Variants in GOPC observed in about 807,000 individuals in gnomAD.
GOPC encodes golgi associated PDZ and coiled-coil motif containing.
In GOPC, 32 loss-of-function variants were observed where a neutral mutation model predicts 51.2. The observed-to-expected ratio is 0.63, with a 90% confidence interval of 0.47 to 0.84. The LOEUF is 0.84. GOPC is among the 40% of genes least tolerant of loss of function. The probability of loss-of-function intolerance (pLI) is 0.00; values close to 1 mark genes in which losing one functional copy is unlikely to be tolerated. For synonymous variants in GOPC, 190 were observed against 205.1 expected, an observed-to-expected ratio of 0.93 and a Z score of 0.63; for missense variants, 441 against 555.5, an observed-to-expected ratio of 0.79 and a Z score of 2.07.
chr6:117,595,773 ACAC>A (rs1222804215), intron 1 of GOPC, among the ~76,000 whole-genome samples: 2 of 152,168 alleles, frequency 1.3e-5, no homozygotes, highest in Non-Finnish European at 2.9e-5. Context: ...GTATATATAC[ACAC>A]CACATTTTTT....
In GOPC at chr6:117,562,152, C is replaced by G. The variant is rs1779596406; in HGVS notation, c.*1102G>C. The G allele has an allele frequency of 9.7e-6, 2 of 207,094 alleles. No homozygotes were observed. The highest frequency in any genetic ancestry group is 1.5e-4 in the East Asian group (2 of 13,698). The allele number at this position is 207,094 out of a possible 1,614,324, so 12.8% of individuals were successfully genotyped here. On this transcript the variant is annotated 3_prime_UTR_variant, in exon 9 of 9. Coordinates refer to ENST00000368498, the MANE Select transcript of GOPC (RefSeq NM_020399.4). ...CATGTTTAATCATGGGACAACAGAC[C>G]TAACAAATTTATAAACCTGCATATG...
chr6:117,594,509 A>G (rs1780164100), intron 1 of GOPC, among the ~76,000 whole-genome samples: 1 of 152,196 alleles, frequency 6.6e-6, no homozygotes, highest in Non-Finnish European at 1.5e-5. Context: ...TCCAAACTCC[A>G]TAAAAGCCAT....
intron 1 of GOPC, among the ~76,000 whole-genome samples, chr6:117,597,762 A>T (rs759203134): frequency 2.0e-5 from 3 of 152,222 alleles, no homozygotes; most frequent in Non-Finnish European, 4.4e-5. Context: ...AATAGAACAT[A>T]TACACTAGGG....
chr6:117,598,167 T>C (rs1780228799), intron 1 of GOPC, among the ~76,000 whole-genome samples: 1 of 133,934 alleles, frequency 7.5e-6, no homozygotes, highest in African/African-American at 2.9e-5. Context: ...AAGACCAGCC[T>C]AAGCAACATA....
chr6:117,589,378 G>C (rs1316648974), intron 1 of GOPC, among the ~76,000 whole-genome samples: 2 of 152,228 alleles, frequency 1.3e-5, no homozygotes, highest in Non-Finnish European at 2.9e-5. Flanking sequence ...GGAGTGCAAT[G>C]GTGCAATCTC....
In GOPC at chr6:117,602,507, G is replaced by T. The variant is rs1772037654; in HGVS notation, c.-219C>A. Reference sequence around the variant, plus strand: ...CGGCGACACACGGAAGACTCAGTCAGTCCCACCTCCCAGCCTGCCCCCGCT... The same window carrying T: ...CGGCGACACACGGAAGACTCAGTCATTCCCACCTCCCAGCCTGCCCCCGCT... On this transcript the variant is annotated 5_prime_UTR_variant, in exon 1 of 9. The change creates a new upstream start codon in the 5' untranslated region. Transcript: ENST00000368498. 1.7e-6 allele frequency: 1 copy of T among 579,744 alleles called. No individual in the cohort carries two copies. The highest frequency in any genetic ancestry group is 2.1e-5 in the South Asian group (1 of 48,600). 35.9% of individuals were successfully genotyped at this position (579,744 alleles called of 1,614,324 possible).
chr6:117,579,691 T>C (rs544970481), intron 1 of GOPC, among the ~76,000 whole-genome samples: 13 of 152,222 alleles, frequency 8.5e-5, no homozygotes. Context: ...AATTGATACA[T>C]TGTTTTACAA....
chr6:117,588,369 A>G (rs1031891700), intron 1 of GOPC, among the ~76,000 whole-genome samples: 1 of 151,700 alleles, frequency 6.6e-6, no homozygotes, highest in Non-Finnish European at 1.5e-5. Context: ...TCCACGTCCC[A>G]GGTTCAAGAG....
At chr6:117,579,744 T>C (rs2114615370) in intron 1 of GOPC, among the ~76,000 whole-genome samples, 1 of 152,204 alleles carries the variant, frequency 6.6e-6, no homozygotes, top group South Asian at 2.1e-4. Context: ...TTTTCCCAGC[T>C]AGCCAGTAGA....
intron 1 of GOPC, among the ~76,000 whole-genome samples, chr6:117,587,079 C>G (rs1164834439): frequency 1.3e-5 from 2 of 152,096 alleles, no homozygotes; most frequent in East Asian, 3.9e-4. Flanking sequence ...CTCTGCCATC[C>G]CTCAAGATAG....
chr6:117,577,961 T>G (rs1779906649), intron 2 of GOPC, among the ~76,000 whole-genome samples: 1 of 152,070 alleles, frequency 6.6e-6, no homozygotes, highest in Non-Finnish European at 1.5e-5. Context: ...CAAATAAAAC[T>G]TATAAATGTA....
Position 117,581,685 on chromosome 6 carries a change from C to T in GOPC, c.286-2621G>A, listed in dbSNP as rs191937857. On this transcript the variant is annotated intron_variant, in intron 1 of 8. Transcript: ENST00000368498. ...TTCATTTTCAGCAATATTGTATTCA[C>T]TAAATAAATATATAACATTACTATT... is the stretch of plus-strand genomic sequence containing the variant. Among the ~76,000 whole-genome samples, 114 of 152,342 alleles carry T rather than the reference C, an allele frequency of 7.5e-4. No homozygotes were observed. The Middle Eastern group carries it at 0.017, about 23-fold the overall frequency.
rs1376701246 is a variant in GOPC, at chr6:117,573,504, T to C, written c.779A>G (p.Asn260Ser). The change falls in exon 5 of 9, where the codon AAT (asparagine) becomes AGT (serine). Residue 260 changes from asparagine (N) to serine (S), a missense_variant. Physicochemically the swap from Asn to Ser is conservative, Grantham distance 46. Around this residue, in one of 3 missense-constraint regions of GOPC, gnomAD observed 166 missense variants for 267.0 expected, o/e 0.62. Coordinates refer to ENST00000368498, the MANE Select transcript of GOPC (RefSeq NM_020399.4). ...TGCTTGCATTGGTCGTTTCAAGTCA[T>C]TACGTCCTCTGCAGGCTCGGATCAC... ...KTVIRACRGR[N>S]DLKRPMQAPP... 8.7e-6 allele frequency: 14 copies of C among 1,614,066 alleles called. No homozygotes were observed. Among genetic ancestry groups the C allele is most frequent in the Non-Finnish European group, 1.2e-5 (14 of 1,179,956 alleles).
At chr6:117,566,026 C>T (rs899203892) in intron 8 of GOPC, among the ~76,000 whole-genome samples, 6 of 152,270 alleles carry the variant, frequency 3.9e-5, no homozygotes, top group African/African-American at 1.2e-4. Context: ...ACTGCCATTT[C>T]ATCAAAGATA....
intron 8 of GOPC, among the ~76,000 whole-genome samples, chr6:117,564,506 A>G (rs146911552): frequency 5.3e-5 from 8 of 152,344 alleles, no homozygotes; most frequent in Middle Eastern, 3.4e-3. Context: ...AATAAATAAT[A>G]GGCTTATAAA....
At chr6:117,576,187 TA>T (rs1779879176) in intron 3 of GOPC, among the ~76,000 whole-genome samples, 1 of 151,976 alleles carries the variant, frequency 6.6e-6, no homozygotes, top group Non-Finnish European at 1.5e-5. Context: ...ACATACAAGC[TA>T]AAATTAATGA....
intron 4 of GOPC, among the ~76,000 whole-genome samples, chr6:117,574,935 TG>T (rs1433438797): frequency 1.3e-5 from 2 of 151,910 alleles, no homozygotes; most frequent in Non-Finnish European, 2.9e-5. Context: ...AAAATTTAGC[TG>T]GCCGTGGTGG....
At position 117,561,773 on chromosome 6, in the gene GOPC, A is replaced by G. The variant is rs1779588631; in HGVS notation, c.*1481T>C. On this transcript the variant is annotated 3_prime_UTR_variant, in exon 9 of 9. Coordinates refer to ENST00000368498, the MANE Select transcript of GOPC (RefSeq NM_020399.4). ...TTAACATGGTGATATACAGATGAAC[A>G]CCACCACCCAAAACAAACCATAAAT... is the stretch of plus-strand genomic sequence containing the variant. 1 of 207,258 alleles carries G rather than the reference A, an allele frequency of 4.8e-6. No homozygotes were observed. Among genetic ancestry groups the G allele is most frequent in the South Asian group, 1.9e-4 (1 of 5,286 alleles). 12.8% of individuals were successfully genotyped at this position (207,258 alleles called of 1,614,324 possible). A position where few individuals can be genotyped will look rare whatever the true frequency, so the allele number is the denominator to read the frequency against.
In GOPC at chr6:117,601,670, G is replaced by T. The variant is rs369914061; in HGVS notation, c.285+334C>A. Reference sequence around the variant, plus strand: ...TGTGAAAGCAGATCTGCAAAACTCAGTTGTCAAAAGGTGGCCTACGGTATT... The same window carrying T: ...TGTGAAAGCAGATCTGCAAAACTCATTTGTCAAAAGGTGGCCTACGGTATT... On this transcript the variant is annotated intron_variant, in intron 1 of 8. Transcript: ENST00000368498. Among the ~76,000 whole-genome samples the T allele has an allele frequency of 2.4e-4, 37 of 152,356 alleles. No individual in the cohort carries two copies. In the East Asian group the frequency reaches 6.6e-3, roughly 27 times the overall value.
Sources: gnomAD v4.1 joint callset for allele counts (sites outside exome capture counted in the v4.1 genomes callset) on GRCh38, gnomAD v4.1.1 for gene constraint, gnomAD v4.1.1 regional missense constraint, MANE v1.5 for transcripts, NCBI Gene and HGNC (gene_info 2026-07-23, HGNC 2026-07-21) for gene names.